MYT1L: variants seen among roughly 807,000 people sequenced by gnomAD.
MYT1L encodes the protein myelin transcription factor 1 like, also known as myelin transcription factor 1-like protein.
A neutral mutation model predicts 126.7 loss-of-function variants in MYT1L; 12 were observed. The observed-to-expected ratio is 0.09, with a 90% CI of 0.06 to 0.15. The LOEUF (loss-of-function observed/expected upper bound fraction) is 0.15, where lower values mean the gene tolerates loss of function less well. Among genes scored for constraint, MYT1L ranks in the 10% least tolerant of loss-of-function variants. The pLI, the probability that MYT1L is intolerant of heterozygous loss-of-function variation, is 1.00. For missense variants in MYT1L, 979 were observed against 1,585.2 expected, an observed-to-expected ratio of 0.62 and a Z score of 6.49; for synonymous variants, 541 against 604.2, an observed-to-expected ratio of 0.90 and a Z score of 1.53.
chr2:2,247,612 C>G lies in MYT1L; in HGVS notation c.-421+36792G>C, dbSNP rs556341418. 3.3e-5 allele frequency among the ~76,000 whole-genome samples: 5 copies of G among 152,212 alleles called. No individual in the cohort carries two copies. The South Asian group carries it at 1.0e-3, about 32-fold the overall frequency. ...TCAGCACATGGATCATTCTCAAGGA[C>G]AGATCATATGTTAGGTCAAAAAACG... On this transcript the variant is annotated intron_variant, in intron 2 of 24. Transcript: ENST00000647738.
chr2:1,835,084 G>A (rs1030936990), intron 21 of MYT1L, among the ~76,000 whole-genome samples: 3 of 144,990 alleles, frequency 2.1e-5, no homozygotes, highest in Non-Finnish European at 4.5e-5. Flanking sequence ...CATATACCAC[G>A]GGGATGGATA....
intron 2 of MYT1L, among the ~76,000 whole-genome samples, chr2:2,262,382 A>G (rs2149286602): frequency 6.6e-6 from 1 of 151,428 alleles, no homozygotes; most frequent in South Asian, 2.1e-4. Context: ...CAAACAAACA[A>G]ACAACAACAA....
At chr2:2,087,528 C>T (rs1382637513) in intron 3 of MYT1L, among the ~76,000 whole-genome samples, 2 of 152,064 alleles carry the variant, frequency 1.3e-5, no homozygotes, top group South Asian at 2.1e-4. Flanking sequence ...GGCAAATTGG[C>T]GGGCTCCATT....
At chr2:1,853,790 G>T (rs1177397633) in intron 18 of MYT1L, among the ~76,000 whole-genome samples, 1 of 151,610 alleles carries the variant, frequency 6.6e-6, no homozygotes, top group African/African-American at 2.4e-5. Context: ...TTTTTTGTTG[G>T]GGCAGAAGGA....
chr2:1,792,561 G>C, intron 23 of MYT1L, 97 bp from the exon 24 acceptor site: 1 of 1,314,162 alleles, frequency 7.6e-7, no homozygotes. Context: ...CGAAGAAGGG[G>C]CCTCTCGCTG....
At chr2:2,197,790 CATAT>C (rs574026775) in intron 2 of MYT1L, among the ~76,000 whole-genome samples, 1 of 145,430 alleles carries the variant, frequency 6.9e-6, no homozygotes, top group Non-Finnish European at 1.5e-5. Flanking sequence ...ATGTATATAA[CATAT>C]ACACACATAT....
At chr2:2,179,803 C>T (rs1044104526) in intron 2 of MYT1L, among the ~76,000 whole-genome samples, 1 of 152,164 alleles carries the variant, frequency 6.6e-6, no homozygotes, top group East Asian at 1.9e-4. Context: ...CTGCTTTGTC[C>T]TCTCCATGTT....
Position 1,943,303 on chromosome 2 carries a change from T to C in MYT1L, c.184A>G (p.Lys62Glu). 6.4e-7 allele frequency: 1 copy of C among 1,572,674 alleles called. No homozygotes were observed. Among genetic ancestry groups the C allele is most frequent in the Non-Finnish European group, 8.6e-7 (1 of 1,158,214 alleles). The change falls in exon 9 of 25, where the codon AAA (lysine) becomes GAA (glutamate). Residue 62 changes from lysine (K) to glutamate (E), a missense_variant. Around this residue, in one of 12 missense-constraint regions of MYT1L, gnomAD observed 111 missense variants for 115.9 expected, o/e 0.96. Coordinates refer to ENST00000647738, the MANE Select transcript of MYT1L (RefSeq NM_001303052.2). This position sits in a 1 kb window ranked among gnomAD's most constrained non-coding sequence, Gnocchi z 4.4. ...VYGCPLAKKR[K>E]TQDKQPQEPA... The stretch of plus-strand genomic sequence containing the variant: ...TCCTGGGGCTGTTTATCTTGTGTTT[T>C]TCTTTTTTTCGCCAAGGGACAACCA...
intron 4 of MYT1L, among the ~76,000 whole-genome samples, chr2:2,047,849 G>C (rs746616944): frequency 1.3e-5 from 2 of 151,704 alleles, no homozygotes; most frequent in Non-Finnish European, 2.9e-5. Context: ...TACTACTAAG[G>C]AGAAAATACG....
intron 3 of MYT1L, among the ~76,000 whole-genome samples, chr2:2,132,928 T>C (rs536763521): frequency 1.3e-5 from 2 of 152,296 alleles, no homozygotes; most frequent in South Asian, 4.1e-4. Flanking sequence ...AGCAGTCCCC[T>C]GTCCTGTCCT....
chr2:2,315,492 C>T (rs1347009621), intron 1 of MYT1L, among the ~76,000 whole-genome samples: 2 of 152,076 alleles, frequency 1.3e-5, no homozygotes, highest in South Asian at 2.1e-4. Flanking sequence ...AATACTGGTG[C>T]CTATAACAAT....
In MYT1L at chr2:1,852,884, G is replaced by A. The variant is rs896205221; in HGVS notation, c.2712-1181C>T. 6.6e-6 allele frequency among the ~76,000 whole-genome samples: 1 copy of A among 152,146 alleles called. No homozygotes were observed. Among genetic ancestry groups the A allele is most frequent in the African/African-American group, 2.4e-5 (1 of 41,436 alleles). Reference sequence around the variant, plus strand: ...CTACTGCTCCTAGAGATTTCAATTTGCTTTCCACTCAGAAAGTCACTATGG... The same window carrying A: ...CTACTGCTCCTAGAGATTTCAATTTACTTTCCACTCAGAAAGTCACTATGG... On this transcript the variant is annotated intron_variant, in intron 18 of 24. Transcript: ENST00000647738. This position sits in a 1 kb window ranked among gnomAD's most constrained non-coding sequence, Gnocchi z 4.0.
At chr2:2,126,180 G>A (rs926021929) in intron 3 of MYT1L, among the ~76,000 whole-genome samples, 7 of 152,158 alleles carry the variant, frequency 4.6e-5, no homozygotes, top group African/African-American at 1.7e-4. Flanking sequence ...TTGCTTACAT[G>A]TCTTTCTGGT....
intron 19 of MYT1L, among the ~76,000 whole-genome samples, chr2:1,847,099 G>A (rs995347240): frequency 1.3e-5 from 2 of 152,180 alleles, no homozygotes; most frequent in Admixed American, 1.3e-4. Flanking sequence ...TGGAGGCTTC[G>A]ATTTTGCGCA....
chr2:2,252,673 T>G (rs2094685915), intron 2 of MYT1L, among the ~76,000 whole-genome samples: 1 of 152,168 alleles, frequency 6.6e-6, no homozygotes, highest in South Asian at 2.1e-4. Context: ...GGGCCCGGCA[T>G]GCAAAGCTCC....
chr2:2,178,089 A>C lies in MYT1L; in HGVS notation c.-420-5101T>G, dbSNP rs180704647. 3.0e-3 allele frequency among the ~76,000 whole-genome samples: 455 copies of C among 152,296 alleles called. 1 individual carries two copies. Among genetic ancestry groups the C allele is most frequent in the African/African-American group, 0.011 (438 of 41,588 alleles). ...AATAGATAAAATATTTATTTTATAT[A>C]AACAGACTGTAATAATTTACTTGAT... On this transcript the variant is annotated intron_variant, in intron 2 of 24. Coordinates refer to ENST00000647738, the MANE Select transcript of MYT1L (RefSeq NM_001303052.2).
At chr2:2,291,503 G>A (rs2095599052) in intron 1 of MYT1L, among the ~76,000 whole-genome samples, 1 of 152,242 alleles carries the variant, frequency 6.6e-6, no homozygotes, top group Admixed American at 6.5e-5. Flanking sequence ...CAACAGGAAA[G>A]TGTCCAGGTC....
chr2:2,204,916 G>A (rs2093251362), intron 2 of MYT1L, among the ~76,000 whole-genome samples: 1 of 151,736 alleles, frequency 6.6e-6, no homozygotes, highest in South Asian at 2.1e-4. Flanking sequence ...TATACACCAT[G>A]GAATACTATG....
At chr2:2,304,648 T>A (rs1216583722) in intron 1 of MYT1L, among the ~76,000 whole-genome samples, 1 of 152,212 alleles carries the variant, frequency 6.6e-6, no homozygotes, top group Non-Finnish European at 1.5e-5. Flanking sequence ...CTTGGAAATA[T>A]GTATTCTGCA....
Sources: allele counts gnomAD v4.1 joint callset (sites outside exome capture counted in the v4.1 genomes callset), GRCh38; gene constraint gnomAD v4.1.1; regional missense constraint gnomAD v4.1.1; non-coding constraint Gnocchi (gnomAD v3.1); transcripts MANE v1.5; gene names NCBI Gene and HGNC (gene_info 2026-07-23, HGNC 2026-07-21).